Variants in BANP observed in about 807,000 individuals in gnomAD.
BANP encodes BTG3 associated nuclear protein.
BANP carries 11 observed loss-of-function variants against 68.1 expected under a neutral mutation model. The observed-to-expected ratio is 0.16, with a 90% confidence interval of 0.10 to 0.27. The LOEUF (loss-of-function observed/expected upper bound fraction) is 0.27. Ranked by LOEUF, BANP falls within the 10% of genes least tolerant of loss-of-function variation. The probability of loss-of-function intolerance (pLI) is 1.00; values close to 1 mark genes in which losing one functional copy is unlikely to be tolerated. For missense variants in BANP, 504 were observed against 722.7 expected (o/e 0.70, Z 3.47); for synonymous variants, 329 against 303.2 (o/e 1.09, Z -0.88).
At chr16:87,964,503 C>A (rs2059702800) in intron 1 of BANP, among the ~76,000 whole-genome samples, 1 of 152,184 alleles carries the variant, frequency 6.6e-6, no homozygotes, top group African/African-American at 2.4e-5. Flanking sequence ...TGAGTGTATC[C>A]CTGAGAAGCA....
Position 88,006,182 on chromosome 16 carries a change from C to T in BANP, c.572C>T (p.Ala191Val). 1 of 1,613,904 alleles carries T rather than the reference C, an allele frequency of 6.2e-7. No individual in the cohort carries two copies. Among genetic ancestry groups the T allele is most frequent in the Non-Finnish European group, 8.5e-7 (1 of 1,179,940 alleles). Residue 191 changes from alanine to valine, a missense_variant, in exon 6 of 14, where the codon GCC (alanine) becomes GTC (valine). Physicochemically the swap from Ala to Val is moderately conservative, Grantham distance 64 (BLOSUM62 0). Around this residue, in one of 3 missense-constraint regions of BANP, gnomAD observed 238 missense variants for 278.9 expected, o/e 0.85. Coordinates refer to ENST00000682872, the MANE Select transcript of BANP (RefSeq NM_001386991.1). ...GAGGACGGGGAGAGCGGCTCGGAGG[C>T]CAGCGACTCTGTGTCCAGCTGTGGG... ...HHEDGESGSE[A>V]SDSVSSCGQA...
chr16:88,019,513 A>G (rs986141429), intron 7 of BANP, among the ~76,000 whole-genome samples: 3 of 142,410 alleles, frequency 2.1e-5, no homozygotes, highest in African/African-American at 7.7e-5. Context: ...GAGGCAGAGC[A>G]TTCAGCGTCC....
rs2152913962 is a variant in BANP at position 88,070,048 on chromosome 16, T to G, written c.1378-2021T>G. ...CGCTTAATAAAGATCCACTTCCGCT[T>G]CATGAATAGCAGCCATATTTCCTCT... On this transcript the variant is annotated intron_variant, in intron 12 of 13. Coordinates refer to ENST00000682872, the MANE Select transcript of BANP (RefSeq NM_001386991.1). 3.3e-5 allele frequency among the ~76,000 whole-genome samples: 5 copies of G among 152,276 alleles called. No homozygotes were observed. In the Middle Eastern group the frequency reaches 0.014, roughly 414 times the overall value.
intron 1 of BANP, among the ~76,000 whole-genome samples, chr16:87,954,832 C>G (rs1366720377): frequency 6.6e-6 from 1 of 152,246 alleles, no homozygotes; most frequent in Non-Finnish European, 1.5e-5. Flanking sequence ...GAGGAGGTCA[C>G]CCGTACGGCC....
intron 6 of BANP, among the ~76,000 whole-genome samples, chr16:88,013,885 A>G (rs1337478595): frequency 6.6e-6 from 1 of 152,196 alleles, no homozygotes; most frequent in East Asian, 1.9e-4. Flanking sequence ...GGTATTGTCA[A>G]CAGGAAATCC....
chr16:88,006,996 G>C (rs1441972522), intron 6 of BANP, among the ~76,000 whole-genome samples: 1 of 147,916 alleles, frequency 6.8e-6, no homozygotes, highest in African/African-American at 2.5e-5. Flanking sequence ...TAAACATGAA[G>C]ATTAAAGGGA....
chr16:87,971,302 G>C (rs376817075), intron 1 of BANP, among the ~76,000 whole-genome samples: 3 of 152,040 alleles, frequency 2.0e-5, no homozygotes, highest in Non-Finnish European at 4.4e-5. Flanking sequence ...AGGGTGCTCC[G>C]CTAGCCGCTC....
intron 11 of BANP, among the ~76,000 whole-genome samples, chr16:88,046,321 A>G (rs1335320597): frequency 6.6e-6 from 1 of 152,222 alleles, no homozygotes; most frequent in African/African-American, 2.4e-5. Flanking sequence ...TCTTGTGAAA[A>G]TGATGACCAG....
intron 3 of BANP, 137 bp from the exon 4 acceptor site, chr16:87,983,923 G>A (rs1224203971): frequency 6.0e-6 from 8 of 1,335,950 alleles, no homozygotes; most frequent in East Asian, 5.1e-5. Context: ...CATAGCTCAC[G>A]GGCTATTTCC....
intron 8 of BANP, among the ~76,000 whole-genome samples, chr16:88,032,095 G>A (rs1208327352): frequency 1.3e-5 from 2 of 151,876 alleles, no homozygotes; most frequent in Admixed American, 6.6e-5. Flanking sequence ...GTGAGCCACC[G>A]CGCCTGGCCC....
Position 87,957,650 on chromosome 16 carries a change from G to A in BANP, c.-69+6135G>A, listed in dbSNP as rs767141962. On this transcript the variant is annotated intron_variant, in intron 1 of 13. Transcript: ENST00000682872. The surrounding 1 kb of genome is among the most constrained non-coding windows in gnomAD (Gnocchi z 4.3). ...GAGATGAAAAGTCATCAAATATCTG[G>A]AAGCAAAGCTTAATCTTTCTGAAAG... Among the ~76,000 whole-genome samples the A allele has an allele frequency of 6.6e-6, 1 of 152,250 alleles. No homozygotes were observed. The highest frequency in any genetic ancestry group is 1.5e-5 in the Non-Finnish European group (1 of 68,032).
intron 7 of BANP, among the ~76,000 whole-genome samples, chr16:88,021,534 C>A (rs936887074): frequency 6.6e-6 from 1 of 152,202 alleles, no homozygotes; most frequent in South Asian, 2.1e-4. Context: ...CCTTCTCCCC[C>A]GCCTCAGGCT....
intron 1 of BANP, among the ~76,000 whole-genome samples, chr16:87,971,129 G>C (rs1439003540): frequency 1.3e-5 from 2 of 152,120 alleles, no homozygotes; most frequent in African/African-American, 4.8e-5. Context: ...ACTCCTTATA[G>C]CCATTGAACA....
intron 4 of BANP, among the ~76,000 whole-genome samples, chr16:87,999,138 G>A (rs116435279): frequency 7.3e-4 from 98 of 134,196 alleles, no homozygotes; most frequent in African/African-American, 2.7e-3. Flanking sequence ...ATGCATGCAC[G>A]TGCATGGCTG....
Position 88,057,840 on chromosome 16 carries a change from CAGTG to C in BANP, c.1312-7424_1312-7421del, listed in dbSNP as rs2085523985. Among the ~76,000 whole-genome samples, 1 of 152,010 alleles carries C rather than the reference CAGTG, an allele frequency of 6.6e-6. No individual in the cohort carries two copies. ...GCAAGTGGTGCTGGCCGGATGCCCA[CAGTG>C]AGGAGGTGCGGGGCACGCAGCGAGC... is the stretch of plus-strand genomic sequence containing the variant. On this transcript the variant is annotated intron_variant, in intron 11 of 13. Transcript: ENST00000682872. This position sits in a 1 kb window ranked among gnomAD's most constrained non-coding sequence, Gnocchi z 4.6.
intron 4 of BANP, among the ~76,000 whole-genome samples, chr16:87,992,412 C>G (rs548923226): frequency 1.3e-5 from 2 of 152,116 alleles, no homozygotes; most frequent in Non-Finnish European, 2.9e-5. Flanking sequence ...GAAAATGTTT[C>G]TGTGAGATTA....
At chr16:88,041,099 G>A (rs1304585048) in intron 11 of BANP, among the ~76,000 whole-genome samples, 1 of 152,224 alleles carries the variant, frequency 6.6e-6, no homozygotes, top group Non-Finnish European at 1.5e-5. Context: ...CCCTTTCCTT[G>A]TGCTGGGCTC....
intron 1 of BANP, among the ~76,000 whole-genome samples, chr16:87,961,774 C>A (rs558206270): frequency 1.3e-5 from 2 of 152,054 alleles, no homozygotes; most frequent in Admixed American, 1.3e-4. Context: ...CTCAGGAATG[C>A]GTTCAGTGCA....
chr16:87,999,236 A>G (rs1369964896), intron 4 of BANP, among the ~76,000 whole-genome samples: 1 of 136,278 alleles, frequency 7.3e-6, no homozygotes, highest in African/African-American at 2.8e-5. Context: ...CCATGCACGC[A>G]CGTGCGCGGC....
Sources: gnomAD v4.1 joint callset for allele counts (sites outside exome capture counted in the v4.1 genomes callset) on GRCh38, gnomAD v4.1.1 for gene constraint, gnomAD v4.1.1 regional missense constraint, Gnocchi (gnomAD v3.1) non-coding constraint, MANE v1.5 for transcripts, NCBI Gene and HGNC (gene_info 2026-07-23, HGNC 2026-07-21) for gene names.